PRKCZ: variants seen among roughly 807,000 people sequenced by gnomAD.
PRKCZ encodes the protein protein kinase C zeta type.
Under a neutral mutation model 79.5 loss-of-function variants are expected in PRKCZ, and 33 were observed. That is an observed-to-expected ratio of 0.41 (90% CI 0.31 to 0.55). The LOEUF is 0.55. Among genes scored for constraint, PRKCZ ranks in the 20% least tolerant of loss-of-function variants. The pLI, the probability that PRKCZ is intolerant of heterozygous loss-of-function variation, is 0.19. For synonymous variants in PRKCZ, 342 were observed against 320.9 expected (o/e 1.07, Z -0.70); for missense variants, 578 against 813.5 (o/e 0.71, Z 3.52).
In PRKCZ at chr1:2,172,212, C is replaced by A. The variant is rs368793172; in HGVS notation, c.1197+22C>A. On this transcript the variant is annotated intron_variant, in intron 12 of 17. Coordinates refer to ENST00000378567, the MANE Select transcript of PRKCZ (RefSeq NM_002744.6). The surrounding 1 kb of genome is among the most constrained non-coding windows in gnomAD (Gnocchi z 7.8). The stretch of plus-strand genomic sequence containing the variant: ...CAAGGTGCGTGCCTTGGACCGCCTC[C>A]CCTGACCATCCCGCATGTGCGTCTC... 403 of 1,613,442 alleles carry A rather than the reference C, an allele frequency of 2.5e-4. 7 individuals carry two copies. The Middle Eastern group carries it at 0.014, about 55-fold the overall frequency.
intron 5 of PRKCZ, among the ~76,000 whole-genome samples, chr1:2,137,249 G>A (rs1676399735): frequency 6.6e-6 from 1 of 152,152 alleles, no homozygotes; most frequent in Non-Finnish European, 1.5e-5. Flanking sequence ...GAAGACCCAG[G>A]AAAACTGCTT....
intron 4 of PRKCZ, among the ~76,000 whole-genome samples, chr1:2,095,685 C>T (rs1207124875): frequency 1.3e-5 from 2 of 151,838 alleles, no homozygotes; most frequent in Middle Eastern, 3.4e-3. Context: ...CTTGTCCAGC[C>T]TCCACTCGCC....
At position 2,174,156 on chromosome 1, in the gene PRKCZ, C is replaced by G; in HGVS notation, c.1405+140C>G. On this transcript the variant is annotated intron_variant, in intron 14 of 17. Coordinates refer to ENST00000378567, the MANE Select transcript of PRKCZ (RefSeq NM_002744.6). The surrounding 1 kb of genome is among the most constrained non-coding windows in gnomAD (Gnocchi z 6.2). ...CGTACCGGGAACCATTCCTCCTGGC[C>G]AGACCCTGTGTCACATGCCACTCCC... The G allele has an allele frequency of 8.3e-7, 1 of 1,199,498 alleles. No individual in the cohort carries two copies. The highest frequency in any genetic ancestry group is 1.6e-5 in the African/African-American group (1 of 63,030). The allele number at this position is 1,199,498 out of a possible 1,614,324, so 74.3% of individuals were successfully genotyped here.
At chr1:2,162,785 G>A (rs12565633) in intron 10 of PRKCZ, among the ~76,000 whole-genome samples, 7 of 152,248 alleles carry the variant, frequency 4.6e-5, no homozygotes, top group Non-Finnish European at 5.9e-5. Flanking sequence ...GTTTCATCTC[G>A]TTTCTGTTAT....
At chr1:2,099,690 G>C (rs1667131400) in intron 4 of PRKCZ, among the ~76,000 whole-genome samples, 1 of 152,320 alleles carries the variant, frequency 6.6e-6, no homozygotes, top group East Asian at 1.9e-4. Flanking sequence ...ACGGGGCAGC[G>C]TGGAGGTGAG....
At chr1:2,180,720 G>C (rs1572047135) in intron 16 of PRKCZ, among the ~76,000 whole-genome samples, 1 of 152,198 alleles carries the variant, frequency 6.6e-6, no homozygotes, top group Admixed American at 6.5e-5. Flanking sequence ...ATGCTCAGAT[G>C]ACCGCTGCTG....
At position 2,177,653 on chromosome 1, in the gene PRKCZ, G is replaced by A. The variant is rs1685741148; in HGVS notation, c.1575+2340G>A. Among the ~76,000 whole-genome samples the A allele has an allele frequency of 1.3e-5, 2 of 152,178 alleles. No individual in the cohort carries two copies. Among genetic ancestry groups the A allele is most frequent in the African/African-American group, 4.8e-5 (2 of 41,432 alleles). On this transcript the variant is annotated intron_variant, in intron 16 of 17. Transcript: ENST00000378567. This position sits in a 1 kb window ranked among gnomAD's most constrained non-coding sequence, Gnocchi z 6.4. ...TGGCCTCTAGCTGGGAGAGGTCTGC[G>A]TCCCTGCAGCGAGCACGCCAGGTGA...
In PRKCZ at chr1:2,178,273, G is replaced by A. The variant is rs151017416; in HGVS notation, c.1575+2960G>A. ...CTCTGCCTGGTCTGCACATGTCATG[G>A]AAGTGGACCTGGGCACACCGCGGCC... On this transcript the variant is annotated intron_variant, in intron 16 of 17. Transcript: ENST00000378567. This position sits in a 1 kb window ranked among gnomAD's most constrained non-coding sequence, Gnocchi z 4.3. Among the ~76,000 whole-genome samples, 3,509 of 152,286 alleles carry A rather than the reference G, an allele frequency of 0.023. 56 individuals are homozygous for A. Among genetic ancestry groups the A allele is most frequent in the Non-Finnish European group, 0.034 (2,321 of 68,010 alleles).
intron 4 of PRKCZ, among the ~76,000 whole-genome samples, chr1:2,088,570 G>A (rs967402318): frequency 6.6e-6 from 1 of 152,208 alleles, no homozygotes; most frequent in Non-Finnish European, 1.5e-5. Flanking sequence ...GCTTCCGGAG[G>A]TCCCAGAGCC....
chr1:2,065,995 A>G (rs1661092089), intron 4 of PRKCZ, among the ~76,000 whole-genome samples: 1 of 152,186 alleles, frequency 6.6e-6, no homozygotes, highest in Non-Finnish European at 1.5e-5. Context: ...GCATCCCATG[A>G]AAAAATCCTT....
In PRKCZ at chr1:2,125,671, G is replaced by A. The variant is rs757659635; in HGVS notation, c.335-9591G>A. 3.0e-4 allele frequency among the ~76,000 whole-genome samples: 46 copies of A among 152,234 alleles called. No individual in the cohort carries two copies. The highest frequency in any genetic ancestry group is 1.2e-4 in the Non-Finnish European group (8 of 68,038). ...CTGTGGTGCCTCCCGCTTTCCATCCGCATTCCATGGCAGGTGAGTCTGATT... is the reference window on the plus strand; with the variant it reads ...CTGTGGTGCCTCCCGCTTTCCATCCACATTCCATGGCAGGTGAGTCTGATT... On this transcript the variant is annotated intron_variant, in intron 4 of 17. Coordinates refer to ENST00000378567, the MANE Select transcript of PRKCZ (RefSeq NM_002744.6). The surrounding 1 kb of genome is among the most constrained non-coding windows in gnomAD (Gnocchi z 4.2).
chr1:2,108,713 C>A (rs897058159), intron 4 of PRKCZ, among the ~76,000 whole-genome samples: 1 of 152,222 alleles, frequency 6.6e-6, no homozygotes, highest in Non-Finnish European at 1.5e-5. Flanking sequence ...TGATGTGCTC[C>A]CTGGTCACCA....
chr1:2,174,882 G>A lies in PRKCZ; in HGVS notation c.1485+49G>A. 2 of 1,573,926 alleles carry A rather than the reference G, an allele frequency of 1.3e-6. No homozygotes were observed. The highest frequency in any genetic ancestry group is 1.7e-6 in the Non-Finnish European group (2 of 1,144,238). ...AAATCTCGTTTGTGGCCTCGGTGTT[G>A]GTGGGCAGAGGGCCAGGCACGGCTG... is the stretch of plus-strand genomic sequence containing the variant. On this transcript the variant is annotated intron_variant, in intron 15 of 17. Transcript: ENST00000378567. The surrounding 1 kb of genome is among the most constrained non-coding windows in gnomAD (Gnocchi z 6.2).
At chr1:2,152,342 G>T (rs1436588716) in intron 9 of PRKCZ, among the ~76,000 whole-genome samples, 1 of 152,030 alleles carries the variant, frequency 6.6e-6, no homozygotes, top group Non-Finnish European at 1.5e-5. Flanking sequence ...AGACCAGCCT[G>T]AACAATATGG....
At chr1:2,056,604 TG>T (rs758001957) in intron 3 of PRKCZ, 31 bp downstream of exon 3, 9 of 1,588,738 alleles carry the variant, frequency 5.7e-6, no homozygotes, top group South Asian at 5.6e-5. Flanking sequence ...TGGGCAGCTC[TG>T]GGGGGCTGTT....
chr1:2,140,926 C>T (rs1279141330), intron 5 of PRKCZ, among the ~76,000 whole-genome samples: 1 of 152,220 alleles, frequency 6.6e-6, no homozygotes, highest in Non-Finnish European at 1.5e-5. Flanking sequence ...CAAGATCGTA[C>T]CACTGCACTC....
intron 9 of PRKCZ, among the ~76,000 whole-genome samples, chr1:2,153,793 C>T (rs541230870): frequency 3.3e-5 from 5 of 152,328 alleles, no homozygotes; most frequent in South Asian, 2.1e-4. Flanking sequence ...CTCTGTGGGC[C>T]GGGATGCCGA....
intron 5 of PRKCZ, 150 bp from the exon 6 acceptor site, chr1:2,144,060 C>G: frequency 8.5e-7 from 1 of 1,170,956 alleles, no homozygotes; most frequent in Non-Finnish European, 1.2e-6. Flanking sequence ...CTTGGGCAAG[C>G]CTGGCGCCCG....
upstream of PRKCZ, chr1:2,049,643 T>A (rs921124207): frequency 1.3e-5 from 2 of 152,298 alleles, no homozygotes; most frequent in African/African-American, 4.8e-5. Context: ...TGGGCTTCAG[T>A]GGATGCAGCC....
Sources: gnomAD v4.1 joint callset for allele counts (sites outside exome capture counted in the v4.1 genomes callset) on GRCh38, gnomAD v4.1.1 for gene constraint, Gnocchi (gnomAD v3.1) non-coding constraint, MANE v1.5 for transcripts, NCBI Gene and HGNC (gene_info 2026-07-23, HGNC 2026-07-21) for gene names.